PCDH15: variants seen among roughly 807,000 people sequenced by gnomAD.
The protein encoded by PCDH15 is protocadherin related 15.
In PCDH15, 129 loss-of-function variants were observed where a neutral mutation model predicts 178.5. That is an observed-to-expected ratio of 0.72 (90% CI 0.63 to 0.84). The LOEUF (loss-of-function observed/expected upper bound fraction) is 0.84. Among genes scored for constraint, PCDH15 ranks in the 40% least tolerant of loss-of-function variants. The pLI is 0.00. For synonymous variants in PCDH15, 800 were observed against 732.0 expected, an observed-to-expected ratio of 1.09 and a Z score of -1.50; for missense variants, 2,230 against 2,099.9, an observed-to-expected ratio of 1.06 and a Z score of -1.21.
At chr10:55,407,570 T>C (rs1232172881) in intron 2 of PCDH15, among the ~76,000 whole-genome samples, 2 of 152,130 alleles carry the variant, frequency 1.3e-5, no homozygotes, top group African/African-American at 4.8e-5. Flanking sequence ...ATGTGAATCT[T>C]AGGGGAGATT....
chr10:54,459,283 A>G (rs964416677), intron 3 of PCDH15, among the ~76,000 whole-genome samples: 1 of 152,076 alleles, frequency 6.6e-6, no homozygotes, highest in Non-Finnish European at 1.5e-5. Flanking sequence ...TGTTTTTATT[A>G]ATCTTTCTTA....
At chr10:54,597,073 GAACTT>G (rs1362338474) in intron 2 of PCDH15, among the ~76,000 whole-genome samples, 2 of 151,958 alleles carry the variant, frequency 1.3e-5, no homozygotes, top group African/African-American at 4.8e-5. Flanking sequence ...ATCAGAACAT[GAACTT>G]AACACTGGAC....
chr10:55,220,712 T>A (rs962435498), intron 1 of PCDH15, among the ~76,000 whole-genome samples: 6 of 152,076 alleles, frequency 3.9e-5, no homozygotes, highest in Non-Finnish European at 4.4e-5. Flanking sequence ...GGGGGCATGA[T>A]CATATACACA....
At chr10:54,194,849 T>TAA (rs1564649914) in intron 11 of PCDH15, among the ~76,000 whole-genome samples, 1 of 152,018 alleles carries the variant, frequency 6.6e-6, no homozygotes, top group Non-Finnish European at 1.5e-5. Context: ...CTGGGGAACT[T>TAA]AAAACTTAAA....
At chr10:54,916,695 T>A (rs1837346315) in intron 2 of PCDH15, among the ~76,000 whole-genome samples, 1 of 152,210 alleles carries the variant, frequency 6.6e-6, no homozygotes, top group African/African-American at 2.4e-5. Flanking sequence ...CTTTTATATC[T>A]ATCTCCCCAC....
chr10:54,951,986 G>A (rs1442971278), intron 2 of PCDH15, among the ~76,000 whole-genome samples: 2 of 151,622 alleles, frequency 1.3e-5, no homozygotes, highest in Non-Finnish European at 2.9e-5. Flanking sequence ...TCCTCAATCC[G>A]TGGCTTCTCT....
chr10:54,743,246 C>A (rs1214319523), intron 1 of PCDH15, among the ~76,000 whole-genome samples: 2 of 151,970 alleles, frequency 1.3e-5, no homozygotes, highest in African/African-American at 2.4e-5. Context: ...ATTGTAGATT[C>A]ATCTTTTTAT....
At chr10:54,304,581 C>CT (rs1379158337) in intron 8 of PCDH15, among the ~76,000 whole-genome samples, 1 of 152,062 alleles carries the variant, frequency 6.6e-6, no homozygotes, top group Non-Finnish European at 1.5e-5. Flanking sequence ...ATCATGTGTA[C>CT]TTTGGTAAGC....
At chr10:55,534,350 A>T (rs1234534052) in intron 2 of PCDH15, among the ~76,000 whole-genome samples, 2 of 152,078 alleles carry the variant, frequency 1.3e-5, no homozygotes, top group African/African-American at 4.8e-5. Context: ...TCCAGAATCT[A>T]TAGGGAACCT....
chr10:54,780,162 C>A (rs570110688), intron 1 of PCDH15, among the ~76,000 whole-genome samples: 18 of 152,200 alleles, frequency 1.2e-4, no homozygotes, highest in Admixed American at 4.6e-4. Context: ...TGAGGTGCCA[C>A]ACATAAGTTC....
Position 54,530,911 on chromosome 10 carries a change from C to T in PCDH15, c.92-3034G>A, listed in dbSNP as rs78123672. Among the ~76,000 whole-genome samples, 1,123 of 152,178 alleles carry T rather than the reference C, an allele frequency of 7.4e-3. 15 individuals are homozygous for T. Among genetic ancestry groups the T allele is most frequent in the African/African-American group, 0.025 (1,033 of 41,502 alleles). ...TGTTTGTTTTTAAACGATGCATTCACGACAGCATAATTAATTAGTTTTGAA... is the reference window on the plus strand; with the variant it reads ...TGTTTGTTTTTAAACGATGCATTCATGACAGCATAATTAATTAGTTTTGAA... On this transcript the variant is annotated intron_variant, in intron 2 of 37. Coordinates refer to ENST00000644397, the MANE Select transcript of PCDH15 (RefSeq NM_001384140.1).
At chr10:55,399,381 G>C (rs541130112) in intron 2 of PCDH15, among the ~76,000 whole-genome samples, 1 of 152,106 alleles carries the variant, frequency 6.6e-6, no homozygotes, top group Non-Finnish European at 1.5e-5. Flanking sequence ...TAAAAGCTCA[G>C]AAGACCAAAT....
chr10:54,100,882 G>T (rs765931694), intron 15 of PCDH15, among the ~76,000 whole-genome samples: 3 of 151,868 alleles, frequency 2.0e-5, no homozygotes, highest in African/African-American at 7.3e-5. Context: ...CATCTGCAAG[G>T]TTACATGTAT....
Position 54,700,631 on chromosome 10 carries a change from G to A in PCDH15, c.-28-36341C>T, listed in dbSNP as rs78375567. ...GCAAAGAATCTCAGAGGTTAAGTCTGGTACTACAAATTAATTGTCATACAA... is the reference window on the plus strand; with the variant it reads ...GCAAAGAATCTCAGAGGTTAAGTCTAGTACTACAAATTAATTGTCATACAA... On this transcript the variant is annotated intron_variant, in intron 1 of 37. Coordinates refer to ENST00000644397, the MANE Select transcript of PCDH15 (RefSeq NM_001384140.1). 1.8e-3 allele frequency among the ~76,000 whole-genome samples: 273 copies of A among 151,988 alleles called. 7 individuals are homozygous for A. In the East Asian group the frequency reaches 0.046, roughly 26 times the overall value.
intron 2 of PCDH15, among the ~76,000 whole-genome samples, chr10:54,660,353 G>A (rs1478041399): frequency 2.6e-5 from 4 of 151,874 alleles, no homozygotes; most frequent in East Asian, 1.9e-4. Flanking sequence ...GATCAAAAAC[G>A]AGAAAACCTA....
At chr10:54,317,714 G>A (rs2061364778) in intron 7 of PCDH15, among the ~76,000 whole-genome samples, 1 of 152,036 alleles carries the variant, frequency 6.6e-6, no homozygotes, top group Admixed American at 6.6e-5. Flanking sequence ...AGAAGTTGCA[G>A]TGAGCCAAGA....
intron 3 of PCDH15, among the ~76,000 whole-genome samples, chr10:54,471,076 T>C (rs2077886276): frequency 6.6e-6 from 1 of 152,184 alleles, no homozygotes; most frequent in South Asian, 2.1e-4. Flanking sequence ...GATAATATAT[T>C]CAATTAACAT....
chr10:55,512,604 G>C (rs760119551), intron 2 of PCDH15, among the ~76,000 whole-genome samples: 1 of 152,044 alleles, frequency 6.6e-6, no homozygotes, highest in Non-Finnish European at 1.5e-5. Flanking sequence ...ATACCACAGA[G>C]AGCCTTTTAT....
intron 1 of PCDH15, among the ~76,000 whole-genome samples, chr10:55,282,022 T>C (rs937576889): frequency 2.6e-5 from 4 of 152,218 alleles, no homozygotes; most frequent in African/African-American, 9.6e-5. Flanking sequence ...ATATCCATAT[T>C]GACTTTGGCT....
Sources: allele counts gnomAD v4.1 joint callset (sites outside exome capture counted in the v4.1 genomes callset), GRCh38; gene constraint gnomAD v4.1.1; transcripts MANE v1.5; gene names NCBI Gene and HGNC (gene_info 2026-07-23, HGNC 2026-07-21).